FOXN2: variants seen among roughly 807,000 people sequenced by gnomAD.
FOXN2 encodes forkhead box N2.
FOXN2 carries 19 observed loss-of-function variants against 41.2 expected under a neutral mutation model. The observed-to-expected ratio is 0.46, with a 90% confidence interval of 0.32 to 0.68. The LOEUF (loss-of-function observed/expected upper bound fraction) is 0.68. FOXN2 is among the 30% of genes least tolerant of loss of function. The pLI is 0.03. For missense variants in FOXN2, 587 were observed against 509.4 expected (o/e 1.15, Z -1.47); for synonymous variants, 195 against 176.8 (o/e 1.10, Z -0.82).
intron 5 of FOXN2, among the ~76,000 whole-genome samples, chr2:48,366,247 T>C (rs755244686): frequency 2.6e-5 from 4 of 151,434 alleles, no homozygotes; most frequent in Non-Finnish European, 5.9e-5. Context: ...TAATTCCAGC[T>C]ACTCAGGAGG....
At chr2:48,333,572 T>G (rs773538737) in intron 2 of FOXN2, among the ~76,000 whole-genome samples, 2 of 152,178 alleles carry the variant, frequency 1.3e-5, no homozygotes, top group African/African-American at 2.4e-5. Flanking sequence ...TTCATGTCCC[T>G]TAAGGTAAGC....
chr2:48,342,512 G>A (rs192175196), intron 2 of FOXN2, among the ~76,000 whole-genome samples: 156 of 152,028 alleles, frequency 1.0e-3, no homozygotes, highest in African/African-American at 3.5e-3. Flanking sequence ...TTAGCTTTCC[G>A]AAATGGCCCT....
At chr2:48,322,478 T>C (rs1214458057) in intron 1 of FOXN2, among the ~76,000 whole-genome samples, 1 of 152,200 alleles carries the variant, frequency 6.6e-6, no homozygotes, top group Non-Finnish European at 1.5e-5. Context: ...CTAGATGCTA[T>C]AGTTAAGCCT....
chr2:48,316,567 G>C (rs1169831243), intron 1 of FOXN2, among the ~76,000 whole-genome samples: 2 of 152,090 alleles, frequency 1.3e-5, no homozygotes, highest in Non-Finnish European at 2.9e-5. Context: ...TGTGTGCTTT[G>C]TAAAGCTTTT....
At chr2:48,323,696 ATTTC>A (rs1669486887) in intron 1 of FOXN2, among the ~76,000 whole-genome samples, 1 of 151,884 alleles carries the variant, frequency 6.6e-6, no homozygotes, top group Non-Finnish European at 1.5e-5. Flanking sequence ...TTTATTGATT[ATTTC>A]TTTTACTGTG....
intron 1 of FOXN2, among the ~76,000 whole-genome samples, chr2:48,326,150 T>G (rs1177149003): frequency 6.6e-6 from 1 of 152,144 alleles, no homozygotes; most frequent in Admixed American, 6.5e-5. Context: ...GTGCCCGGCC[T>G]TCTTCTCCCA....
chr2:48,320,518 G>C (rs534090930), intron 1 of FOXN2, among the ~76,000 whole-genome samples: 2 of 152,186 alleles, frequency 1.3e-5, no homozygotes, highest in Admixed American at 1.3e-4. Context: ...CTTGAACCCT[G>C]ACCTCAAGTG....
intron 2 of FOXN2, among the ~76,000 whole-genome samples, chr2:48,338,815 A>T (rs1670542014): frequency 6.6e-6 from 1 of 152,198 alleles, no homozygotes; most frequent in African/African-American, 2.4e-5. Context: ...GTAAAAGGCA[A>T]AAATTATAAA....
At chr2:48,374,593 T>G (rs770744653) in intron 6 of FOXN2, among the ~76,000 whole-genome samples, 52 of 152,214 alleles carry the variant, frequency 3.4e-4, no homozygotes, top group Non-Finnish European at 6.0e-4. Context: ...CAGCATGATT[T>G]ATACTAATGA....
At chr2:48,358,853 A>G (rs1459833945) in intron 3 of FOXN2, among the ~76,000 whole-genome samples, 194 bp from the exon 4 acceptor site, 2 of 149,078 alleles carry the variant, frequency 1.3e-5, no homozygotes, top group African/African-American at 4.9e-5. Flanking sequence ...CTTGTGAATT[A>G]GAGGAAGTTT....
intron 3 of FOXN2, among the ~76,000 whole-genome samples, chr2:48,351,899 G>T (rs969441831): frequency 6.6e-6 from 1 of 152,186 alleles, no homozygotes; most frequent in Non-Finnish European, 1.5e-5. Flanking sequence ...GGTTTTAGAA[G>T]GGTAACATAT....
chr2:48,372,444 G>C (rs1158470647), intron 5 of FOXN2, among the ~76,000 whole-genome samples: 1 of 152,094 alleles, frequency 6.6e-6, no homozygotes, highest in Non-Finnish European at 1.5e-5. Flanking sequence ...TTTCATATCT[G>C]AGTCTTATTT....
intron 2 of FOXN2, among the ~76,000 whole-genome samples, chr2:48,344,444 G>A (rs1194816676): frequency 1.3e-5 from 2 of 152,192 alleles, no homozygotes; most frequent in African/African-American, 2.4e-5. Context: ...TGTGGTTAGA[G>A]TTTTGTTTCT....
intron 2 of FOXN2, among the ~76,000 whole-genome samples, chr2:48,332,701 T>A (rs1670089975): frequency 1.3e-5 from 2 of 152,224 alleles, no homozygotes; most frequent in South Asian, 4.1e-4. Context: ...CTAATAATTT[T>A]AAAATTTATA....
intron 3 of FOXN2, among the ~76,000 whole-genome samples, chr2:48,355,709 T>C (rs2104433873): frequency 6.6e-6 from 1 of 152,310 alleles, no homozygotes; most frequent in South Asian, 2.1e-4. Context: ...ATGGCGGTTA[T>C]CTAGAGATGA....
chr2:48,360,303 A>C (rs1442781792), intron 4 of FOXN2, among the ~76,000 whole-genome samples: 2 of 152,180 alleles, frequency 1.3e-5, no homozygotes, highest in Non-Finnish European at 2.9e-5. Context: ...ATAATGGCTA[A>C]CTTGTTTTTT....
intron 5 of FOXN2, among the ~76,000 whole-genome samples, chr2:48,372,814 C>G (rs1307661235): frequency 6.6e-6 from 1 of 151,532 alleles, no homozygotes; most frequent in Non-Finnish European, 1.5e-5. Flanking sequence ...TTTACATGAC[C>G]TAGACTGACG....
At chr2:48,323,148 TA>T (rs1272988354) in intron 1 of FOXN2, among the ~76,000 whole-genome samples, 2 of 152,142 alleles carry the variant, frequency 1.3e-5, no homozygotes, top group Non-Finnish European at 2.9e-5. Flanking sequence ...GGTGTATCAA[TA>T]TTTTTAAATA....
At chr2:48,315,242 C>T (rs544423716) in intron 1 of FOXN2, among the ~76,000 whole-genome samples, 5 of 152,264 alleles carry the variant, frequency 3.3e-5, no homozygotes, top group Non-Finnish European at 5.9e-5. Context: ...CACCTCGGAG[C>T]CTTTGCAACG....
Sources: gnomAD v4.1 joint callset for allele counts (sites outside exome capture counted in the v4.1 genomes callset) on GRCh38, gnomAD v4.1.1 for gene constraint, MANE v1.5 for transcripts, NCBI Gene and HGNC (gene_info 2026-07-23, HGNC 2026-07-21) for gene names.